The following WWOX variants were observed in gnomAD, a reference collection of about 807,000 sequenced individuals.
WWOX encodes the protein WW domain containing oxidoreductase.
In WWOX, 69 loss-of-function variants were observed where a neutral mutation model predicts 46.2. That is an observed-to-expected ratio of 1.49 (90% CI 1.23 to 1.82). WWOX has a LOEUF of 1.82. Among genes scored for constraint, WWOX ranks in the 40% most tolerant of loss-of-function variants. WWOX has a pLI of 0.00. For missense variants in WWOX, 919 were observed against 542.6 expected (o/e 1.69, Z -6.89); for synonymous variants, 359 against 202.6 (o/e 1.77, Z -6.56).
intron 8 of WWOX, among the ~76,000 whole-genome samples, chr16:78,472,349 G>T (rs2084243793): frequency 6.6e-6 from 1 of 152,068 alleles, no homozygotes; most frequent in African/African-American, 2.4e-5. Context: ...GAAAGCCCTT[G>T]TTCATTTTTA....
intron 8 of WWOX, among the ~76,000 whole-genome samples, chr16:78,956,687 T>G (rs1017098983): frequency 2.2e-4 from 34 of 152,312 alleles, no homozygotes; most frequent in African/African-American, 8.2e-4. Flanking sequence ...TTTTAATCTC[T>G]TTGTGCACAC....
At chr16:78,871,387 T>C (rs1433054733) in intron 8 of WWOX, among the ~76,000 whole-genome samples, 1 of 152,144 alleles carries the variant, frequency 6.6e-6, no homozygotes, top group Non-Finnish European at 1.5e-5. Context: ...GTAATGATGT[T>C]TGCAAAGCAC....
chr16:78,212,098 G>C lies in WWOX; in HGVS notation c.516+47809G>C, dbSNP rs1597357768. Among the ~76,000 whole-genome samples the C allele has an allele frequency of 2.0e-5, 3 of 152,306 alleles. No individual in the cohort carries two copies. The South Asian group carries it at 6.2e-4, about 32-fold the overall frequency. On this transcript the variant is annotated intron_variant, in intron 5 of 8. Transcript: ENST00000566780. ...AGGTGAGCATCCTGTTTGGAATGCA[G>C]GGCCGGGAACTGCCCTGCCCAGTCC...
intron 8 of WWOX, among the ~76,000 whole-genome samples, chr16:78,867,217 A>T (rs1414990986): frequency 6.6e-6 from 1 of 152,206 alleles, no homozygotes; most frequent in Non-Finnish European, 1.5e-5. Context: ...TGAGTGGGGG[A>T]GTGCAAGAAG....
rs142549510 is a variant in WWOX, at chr16:78,310,965, C to T, written c.517-75895C>T. ...GCTTGGGAAGCCCCAGAGAAATAGA[C>T]GAGTGAGTGCAAGAGCCAGCTGCCT... On this transcript the variant is annotated intron_variant, in intron 5 of 8. Coordinates refer to ENST00000566780, the MANE Select transcript of WWOX (RefSeq NM_016373.4). 3.6e-3 allele frequency among the ~76,000 whole-genome samples: 547 copies of T among 152,246 alleles called. 5 individuals carry two copies. The highest frequency in any genetic ancestry group is 0.024 in the South Asian group (117 of 4,820).
At chr16:78,990,470 C>T (rs1020856591) in intron 8 of WWOX, among the ~76,000 whole-genome samples, 3 of 152,138 alleles carry the variant, frequency 2.0e-5, no homozygotes, top group African/African-American at 7.2e-5. Context: ...TAAAGGTCAA[C>T]AGCTGTGTTA....
At chr16:78,601,739 A>T (rs2045627852) in intron 8 of WWOX, among the ~76,000 whole-genome samples, 1 of 152,214 alleles carries the variant, frequency 6.6e-6, no homozygotes, top group African/African-American at 2.4e-5. Flanking sequence ...GGAACAAAGG[A>T]TTAAGTTAGG....
At chr16:78,337,682 C>T (rs2080924369) in intron 5 of WWOX, among the ~76,000 whole-genome samples, 1 of 152,042 alleles carries the variant, frequency 6.6e-6, no homozygotes, top group East Asian at 1.9e-4. Flanking sequence ...TCCTCATTTC[C>T]CCAGCAAAGT....
At chr16:78,768,611 C>G (rs1285850809) in intron 8 of WWOX, among the ~76,000 whole-genome samples, 1 of 150,374 alleles carries the variant, frequency 6.7e-6, no homozygotes, top group Non-Finnish European at 1.5e-5. Flanking sequence ...AAAAAAAAGG[C>G]TTTGGAGCTT....
intron 8 of WWOX, among the ~76,000 whole-genome samples, chr16:78,709,967 G>A (rs147598946): frequency 1.3e-5 from 2 of 152,082 alleles, no homozygotes; most frequent in African/African-American, 2.4e-5. Flanking sequence ...CTGATCTCAG[G>A]TGTTCCACCC....
At chr16:78,194,437 A>C (rs2035982483) in intron 5 of WWOX, among the ~76,000 whole-genome samples, 1 of 151,486 alleles carries the variant, frequency 6.6e-6, no homozygotes, top group Admixed American at 6.6e-5. Context: ...AAAATACAAA[A>C]ATTAGCCTGG....
intron 8 of WWOX, among the ~76,000 whole-genome samples, chr16:78,700,572 A>T (rs1313396856): frequency 6.6e-6 from 1 of 152,220 alleles, no homozygotes. Context: ...CTTCACAGGC[A>T]GGAAACCCAC....
At chr16:78,363,340 G>A (rs1213771085) in intron 5 of WWOX, among the ~76,000 whole-genome samples, 1 of 151,632 alleles carries the variant, frequency 6.6e-6, no homozygotes. Flanking sequence ...GTGGCGCGAT[G>A]ACAGCCCACT....
chr16:78,445,235 C>T (rs960854483), intron 8 of WWOX, among the ~76,000 whole-genome samples: 17 of 152,156 alleles, frequency 1.1e-4, no homozygotes, highest in African/African-American at 3.9e-4. Flanking sequence ...TACCATACCC[C>T]ATCTATTTCC....
rs1472139314 is a variant in WWOX, at chr16:78,727,481, G to A, written c.1056+294729G>A. 2.6e-5 allele frequency among the ~76,000 whole-genome samples: 4 copies of A among 152,128 alleles called. 1 individual carries two copies. The highest frequency in any genetic ancestry group is 5.9e-5 in the Non-Finnish European group (4 of 68,014). On this transcript the variant is annotated intron_variant, in intron 8 of 8. Coordinates refer to ENST00000566780, the MANE Select transcript of WWOX (RefSeq NM_016373.4). ...AATACATCACCACAGAACTGCCAGG[G>A]TACGTGTTTCCTAGCCCATAGCGAG...
At chr16:78,427,786 A>AAC (rs2083121203) in intron 7 of WWOX, among the ~76,000 whole-genome samples, 1 of 152,004 alleles carries the variant, frequency 6.6e-6, no homozygotes, top group Non-Finnish European at 1.5e-5. Flanking sequence ...TCTAAAATAA[A>AAC]AATTAAAAAT....
At position 78,992,920 on chromosome 16, in the gene WWOX, G is replaced by C. The variant is rs4888006; in HGVS notation, c.1057-218688G>C. 5.9e-5 allele frequency among the ~76,000 whole-genome samples: 9 copies of C among 151,956 alleles called. No homozygotes were observed. In the East Asian group the frequency reaches 1.7e-3, roughly 29 times the overall value. ...TTAGTTTATGAAAAAATATATCTAC[G>C]TATAATTTTTGCCTCCATTAGAGTC... On this transcript the variant is annotated intron_variant, in intron 8 of 8. Coordinates refer to ENST00000566780, the MANE Select transcript of WWOX (RefSeq NM_016373.4).
chr16:78,495,915 A>C (rs2084907292), intron 8 of WWOX: 1 of 152,226 alleles, frequency 6.6e-6, no homozygotes, highest in Non-Finnish European at 1.5e-5. Context: ...TAAAGAATAA[A>C]AATTAATAAA....
chr16:79,186,559 A>G (rs1264623273), intron 8 of WWOX, among the ~76,000 whole-genome samples: 1 of 152,168 alleles, frequency 6.6e-6, no homozygotes, highest in Non-Finnish European at 1.5e-5. Context: ...TTAACTGTTT[A>G]ACTCTGTATT....
Sources: allele counts gnomAD v4.1 joint callset (sites outside exome capture counted in the v4.1 genomes callset), GRCh38; gene constraint gnomAD v4.1.1; transcripts MANE v1.5; gene names NCBI Gene and HGNC (gene_info 2026-07-23, HGNC 2026-07-21).